CEP192: variants seen among roughly 807,000 people sequenced by gnomAD.
CEP192 encodes the protein centrosomal protein of 192 kDa.
Under a neutral mutation model 271.8 loss-of-function variants are expected in CEP192, and 151 were observed. The ratio of observed to expected loss-of-function variants is 0.56; its 90% CI spans 0.49 to 0.64. CEP192 has a LOEUF of 0.64. Among genes scored for constraint, CEP192 ranks in the 30% least tolerant of loss-of-function variants. The pLI is 0.00. For synonymous variants in CEP192, 995 were observed against 1,076.5 expected, an observed-to-expected ratio of 0.92 and a Z score of 1.48; for missense variants, 2,910 against 3,020.5, an observed-to-expected ratio of 0.96 and a Z score of 0.86.
At chr18:13,043,028 G>C (rs770687989) in intron 15 of CEP192, among the ~76,000 whole-genome samples, 14 of 152,202 alleles carry the variant, frequency 9.2e-5, no homozygotes, top group African/African-American at 2.4e-5. Context: ...ATTTGTTCAA[G>C]AGTGTGTGCT....
intron 3 of CEP192, 121 bp from the exon 4 acceptor site, chr18:13,008,335 C>G (rs950369932): frequency 1.3e-5 from 9 of 707,038 alleles, no homozygotes; most frequent in Non-Finnish European, 1.6e-5. Context: ...TCAAATGTTT[C>G]TTTTTATTGC....
At chr18:13,041,213 G>A (rs1162065920) in intron 14 of CEP192, among the ~76,000 whole-genome samples, 1 of 152,114 alleles carries the variant, frequency 6.6e-6, no homozygotes, top group East Asian at 1.9e-4. Context: ...GCTAGTTAAT[G>A]TTGGCTATTG....
Position 13,029,992 on chromosome 18 carries a change from G to T in CEP192, c.1380G>T (p.Lys460Asn). Residue 460 changes from lysine (K) to asparagine (N), a missense_variant, in exon 10 of 45, where the codon AAG (lysine) becomes AAT (asparagine). By Grantham distance (94) the Lys-to-Asn change is moderately conservative (BLOSUM62 0). Coordinates refer to ENST00000506447, the MANE Select transcript of CEP192 (RefSeq NM_032142.4). ...GTGAATGTCACGAGTCCATCGAAAA[G>T]AATAAAGACAGTAAGTGGACTTTTT... ...RTCECHESIE[K>N]NKDKTDLPQS... 6.5e-7 allele frequency: 1 copy of T among 1,544,022 alleles called. No homozygotes were observed. The highest frequency in any genetic ancestry group is 1.2e-5 in the South Asian group (1 of 83,732).
rs571685896 is a variant in CEP192, at chr18:13,086,029, T to A, written c.5617-988T>A. ...TCGATATTGAGTCCATGGAATGTTT[T>A]TCCATTTCTTTGTGTCTTCTCTTAC... On this transcript the variant is annotated intron_variant, in intron 30 of 44. Coordinates refer to ENST00000506447, the MANE Select transcript of CEP192 (RefSeq NM_032142.4). Among the ~76,000 whole-genome samples the A allele has an allele frequency of 3.3e-5, 5 of 152,298 alleles. No individual in the cohort carries two copies. The East Asian group carries it at 9.6e-4, about 29-fold the overall frequency.
chr18:13,116,475 T>C lies in CEP192; in HGVS notation c.7388T>C (p.Leu2463Pro). ...VGESRTLKVN[L>P]RNNSFITHSL... ...GAATCACGGACACTTAAAGTCAATC[T>C]GCGAAATAATTCTTTTATTACACAC... The change falls in exon 43 of 45, where the codon CTG (leucine) becomes CCG (proline). Residue 2463 changes from leucine (L) to proline (P), a missense_variant. Physicochemically the swap from Leu to Pro is moderately conservative, Grantham distance 98. Coordinates refer to ENST00000506447, the MANE Select transcript of CEP192 (RefSeq NM_032142.4). 2 of 1,608,588 alleles carry C rather than the reference T, an allele frequency of 1.2e-6. No individual in the cohort carries two copies. Among genetic ancestry groups the C allele is most frequent in the Non-Finnish European group, 1.7e-6 (2 of 1,178,276 alleles).
chr18:13,033,907 C>T lies in CEP192; in HGVS notation c.1534+3299C>T, dbSNP rs1003887957. Among the ~76,000 whole-genome samples the T allele has an allele frequency of 1.1e-4, 16 of 152,156 alleles. 1 individual carries two copies. Among genetic ancestry groups the T allele is most frequent in the Admixed American group, 3.9e-4 (6 of 15,282 alleles). On this transcript the variant is annotated intron_variant, in intron 11 of 44. Transcript: ENST00000506447. Reference sequence around the variant, plus strand: ...GAAAGATAAAACAAGATACTGACTACAGGAATGTCTAGTTACTTGAACTCA... The same window carrying T: ...GAAAGATAAAACAAGATACTGACTATAGGAATGTCTAGTTACTTGAACTCA...
At chr18:13,076,489 T>A (rs919641246) in intron 30 of CEP192, among the ~76,000 whole-genome samples, 2 of 152,232 alleles carry the variant, frequency 1.3e-5, no homozygotes, top group African/African-American at 4.8e-5. Context: ...GTGCTGGGAT[T>A]ACAGGCGTGA....
intron 36 of CEP192, among the ~76,000 whole-genome samples, chr18:13,098,704 C>G (rs1435132561): frequency 1.3e-5 from 2 of 150,914 alleles, no homozygotes; most frequent in Non-Finnish European, 2.9e-5. Context: ...GACTGGGCAG[C>G]CAGGCAGAGG....
Position 13,059,190 on chromosome 18 carries a change from T to C in CEP192, c.4366T>C (p.Phe1456Leu). The C allele has an allele frequency of 6.2e-7, 1 of 1,614,152 alleles. No individual in the cohort carries two copies. Among genetic ancestry groups the C allele is most frequent in the Non-Finnish European group, 8.5e-7 (1 of 1,179,994 alleles). Residue 1456 changes from phenylalanine to leucine, a missense_variant, in exon 21 of 45, where the codon TTC becomes CTC. By Grantham distance (22) the Phe-to-Leu change is conservative. Coordinates refer to ENST00000506447, the MANE Select transcript of CEP192 (RefSeq NM_032142.4). ...VLFIPSSPGV[F>L]RCTFSVASWP... Reference sequence around the variant, plus strand: ...TTTTATACCATCCAGTCCTGGGGTTTTCAGATGCACATTCAGTGTTGCTTC... The same window carrying C: ...TTTTATACCATCCAGTCCTGGGGTTCTCAGATGCACATTCAGTGTTGCTTC...
chr18:13,004,407 A>G (rs1334780648), intron 3 of CEP192, among the ~76,000 whole-genome samples: 1 of 152,174 alleles, frequency 6.6e-6, no homozygotes, highest in Non-Finnish European at 1.5e-5. Flanking sequence ...GAATTGCTGC[A>G]GCAACGTCTG....
chr18:13,039,036 A>C (rs1259778823), intron 13 of CEP192, among the ~76,000 whole-genome samples: 1 of 152,252 alleles, frequency 6.6e-6, no homozygotes, highest in Non-Finnish European at 1.5e-5. Flanking sequence ...TGTACAATTA[A>C]AAAGACAAGT....
chr18:13,103,432 T>G, intron 38 of CEP192, 77 bp from the exon 39 acceptor site: 1 of 1,080,492 alleles, frequency 9.3e-7, no homozygotes, highest in Non-Finnish European at 1.4e-6. Flanking sequence ...CAGTATGAGG[T>G]AGTTAGGCCT....
At chr18:13,104,754 A>G (rs2039873735) in intron 39 of CEP192, among the ~76,000 whole-genome samples, 1 of 152,196 alleles carries the variant, frequency 6.6e-6, no homozygotes, top group African/African-American at 2.4e-5. Flanking sequence ...TAGCCAGGGA[A>G]GTGATAAAAA....
intron 34 of CEP192, among the ~76,000 whole-genome samples, chr18:13,094,572 C>T (rs1020829761): frequency 1.3e-5 from 2 of 152,132 alleles, no homozygotes; most frequent in African/African-American, 2.4e-5. Context: ...TTAGGCTCAT[C>T]GTATACTTTC....
chr18:13,029,677 A>C lies in CEP192; in HGVS notation c.1065A>C (p.Lys355Asn). ...VPDLNSECASKDVLVKTLRAI... is the reference protein window; with the variant it reads ...VPDLNSECASNDVLVKTLRAI... Reference sequence around the variant, plus strand: ...TTGTTTTAAAGGAATGTGCAAGTAAAGATGTTCTGGTGAAGACCCTCAGGG... The same window carrying C: ...TTGTTTTAAAGGAATGTGCAAGTAACGATGTTCTGGTGAAGACCCTCAGGG... The change falls in exon 10 of 45, where the codon AAA becomes AAC. Residue 355 changes from lysine to asparagine, a missense_variant. Lys to Asn is a moderately conservative substitution (Grantham distance 94). Transcript: ENST00000506447. 1 of 1,508,680 alleles carries C rather than the reference A, an allele frequency of 6.6e-7. No individual in the cohort carries two copies. The highest frequency in any genetic ancestry group is 1.3e-5 in the South Asian group (1 of 78,828). 93.5% of individuals were successfully genotyped at this position (1,508,680 alleles called of 1,614,324 possible). A position where few individuals can be genotyped will look rare whatever the true frequency, so the allele number is the denominator to read the frequency against.
At chr18:13,113,926 C>T (rs760118979) in intron 41 of CEP192, among the ~76,000 whole-genome samples, 2 of 152,054 alleles carry the variant, frequency 1.3e-5, no homozygotes, top group Non-Finnish European at 2.9e-5. Context: ...AAACTCTGTG[C>T]GTGTGCATCA....
intron 3 of CEP192, among the ~76,000 whole-genome samples, chr18:13,007,085 GT>G (rs1017829207): frequency 6.6e-6 from 1 of 152,128 alleles, no homozygotes; most frequent in African/African-American, 2.4e-5. Context: ...TGGCAGATTT[GT>G]TTCCTTTTCT....
chr18:13,074,743 T>G (rs988514008), intron 30 of CEP192, among the ~76,000 whole-genome samples: 1 of 152,196 alleles, frequency 6.6e-6, no homozygotes, highest in African/African-American at 2.4e-5. Flanking sequence ...CTCAGAGTAT[T>G]AACATTGCTG....
At chr18:13,000,914 C>T (rs2145796573) in intron 2 of CEP192, among the ~76,000 whole-genome samples, 1 of 152,224 alleles carries the variant, frequency 6.6e-6, no homozygotes, top group East Asian at 1.9e-4. Context: ...GATTGGGCCA[C>T]TGCACTCCAG....
Sources: allele counts gnomAD v4.1 joint callset (sites outside exome capture counted in the v4.1 genomes callset), GRCh38; gene constraint gnomAD v4.1.1; transcripts MANE v1.5; gene names NCBI Gene and HGNC (gene_info 2026-07-23, HGNC 2026-07-21).